Variants in POP4 observed in about 807,000 individuals in gnomAD.
POP4 encodes the protein ribonuclease P protein subunit p29.
Under a neutral mutation model 29.9 loss-of-function variants are expected in POP4, and 31 were observed. That is an observed-to-expected ratio of 1.04 (90% CI 0.78 to 1.40). POP4 has a LOEUF of 1.40. Among genes scored for constraint, POP4 ranks in the 40% most tolerant of loss-of-function variants. The probability of loss-of-function intolerance (pLI) is 0.00; values close to 1 mark genes in which losing one functional copy is unlikely to be tolerated. For missense variants in POP4, 286 were observed against 282.7 expected, an observed-to-expected ratio of 1.01 and a Z score of -0.08; for synonymous variants, 110 against 108.2, an observed-to-expected ratio of 1.02 and a Z score of -0.10.
Position 29,608,262 on chromosome 19 carries a change from CTTTTT to C in POP4, c.8-377_8-373del, listed in dbSNP as rs1164860504. 0.013 allele frequency among the ~76,000 whole-genome samples: 1,107 copies of C among 86,560 alleles called. 37 individuals carry two copies. The East Asian group carries it at 0.17, about 13-fold the overall frequency. The allele number at this position is 86,560 out of a possible 152,430, so 56.8% of individuals were successfully genotyped here. On this transcript the variant is annotated intron_variant, in intron 1 of 6. Coordinates refer to ENST00000585603, the MANE Select transcript of POP4 (RefSeq NM_006627.3). ...TAGTTATTTTCTTTTCTTTTCTTTT[CTTTTT>C]TTTTTTTTTTTTTTTTTGAGACAGA...
At chr19:29,614,068 C>T in intron 6 of POP4, 96 bp downstream of exon 6, 1 of 1,503,510 alleles carries the variant, frequency 6.7e-7, no homozygotes, top group South Asian at 1.4e-5. Context: ...GATTTGACCC[C>T]TCAAGTCAGC....
chr19:29,615,390 C>A lies in POP4; in HGVS notation c.*10C>A. 6.2e-7 allele frequency: 1 copy of A among 1,610,376 alleles called. No individual in the cohort carries two copies. On this transcript the variant is annotated 3_prime_UTR_variant, in exon 7 of 7. Transcript: ENST00000585603. Reference sequence around the variant, plus strand: ...AACGATTGACCTGTGAATTCTTTGCCGTCTAAGGCAGTTGTTTATGACAGC... The same window carrying A: ...AACGATTGACCTGTGAATTCTTTGCAGTCTAAGGCAGTTGTTTATGACAGC...
chr19:29,614,940 A>C (rs1315519553), intron 6 of POP4, among the ~76,000 whole-genome samples: 1 of 152,208 alleles, frequency 6.6e-6, no homozygotes, highest in Non-Finnish European at 1.5e-5. Flanking sequence ...AGCCCATCTG[A>C]AAGTTAATGT....
At chr19:29,613,716 GC>G in intron 5 of POP4, 154 bp from the exon 6 acceptor site, 1 of 1,135,592 alleles carries the variant, frequency 8.8e-7, no homozygotes, top group Non-Finnish European at 1.2e-6. Flanking sequence ...TTACATCAGG[GC>G]CCAGCTGTTG....
intron 5 of POP4, 119 bp from the exon 6 acceptor site, chr19:29,613,752 T>G: frequency 6.8e-7 from 1 of 1,460,706 alleles, no homozygotes; most frequent in African/African-American, 1.4e-5. Context: ...GGGTGCTCTG[T>G]TCTTTCATCT....
In POP4 at chr19:29,612,895, G is replaced by A. The variant is rs754019988; in HGVS notation, c.424+717G>A. On this transcript the variant is annotated intron_variant, in intron 5 of 6. Coordinates refer to ENST00000585603, the MANE Select transcript of POP4 (RefSeq NM_006627.3). ...ACCAGGCAGCCAGAGTGCCGGTTAC[G>A]TAGAAATCAGAGCACGTTCCTTCCC... 9.2e-5 allele frequency among the ~76,000 whole-genome samples: 14 copies of A among 152,336 alleles called. No homozygotes were observed. In the South Asian group the frequency reaches 2.3e-3, roughly 25 times the overall value.
At chr19:29,606,353 G>C in intron 1 of POP4, 28 bp downstream of exon 1, 1 of 1,603,346 alleles carries the variant, frequency 6.2e-7, no homozygotes, top group Non-Finnish European at 8.5e-7. Flanking sequence ...GTTGGAGAGG[G>C]TTGGGGACGT....
rs949024659 is a variant in POP4 at position 29,610,411 on chromosome 19, T to C, written c.63T>C (p.Pro21=). ...QKEANDSDVQ[P]SGAQRAEAFV... is the part of the protein sequence containing the mutation. ...CGCACCCCCTTGTCCGCCTGCAGCC[T>C]TCAGGAGCACAGCGGGCCGAGGCCT... is the stretch of plus-strand genomic sequence containing the variant. The change falls in exon 3 of 7, where the codon CCT becomes CCC. Residue 21 remains proline, a splice_region_variant and synonymous_variant. Transcript: ENST00000585603. The C allele has an allele frequency of 6.4e-7, 1 of 1,557,664 alleles. No homozygotes were observed. Among genetic ancestry groups the C allele is most frequent in the African/African-American group, 1.4e-5 (1 of 73,748 alleles).
chr19:29,615,293 T>C lies in POP4; in HGVS notation c.576T>C (p.Ile192=), dbSNP rs746557477. ...CVFTVETDGF[I]SYIYGSKFQL... is the part of the protein sequence containing the mutation. The stretch of plus-strand genomic sequence containing the variant: ...TCACTGTGGAAACCGATGGCTTTAT[T>C]TCCTACATTTACGGGAGCAAATTCC... Residue 192 remains isoleucine (I), a synonymous_variant, in exon 7 of 7, where the codon ATT becomes ATC. Coordinates refer to ENST00000585603, the MANE Select transcript of POP4 (RefSeq NM_006627.3). 1 of 1,613,888 alleles carries C rather than the reference T, an allele frequency of 6.2e-7. No individual in the cohort carries two copies. The highest frequency in any genetic ancestry group is 8.5e-7 in the Non-Finnish European group (1 of 1,179,906).
rs888425400 is a variant in POP4 at position 29,616,915 on chromosome 19, C to CT, written c.*1537dup. 6.7e-6 allele frequency: 1 copy of CT among 150,010 alleles called. No homozygotes were observed. Among genetic ancestry groups the CT allele is most frequent in the Admixed American group, 6.8e-5 (1 of 14,786 alleles). 9.3% of individuals were successfully genotyped at this position (150,010 alleles called of 1,614,324 possible). On this transcript the variant is annotated 3_prime_UTR_variant, in exon 7 of 7. Transcript: ENST00000585603. Reference sequence around the variant, plus strand: ...CAGGAAGACAGACTTCGAGGGACCTCTTGCCTAAGGCCTCGCTGACTCAAG... The same window carrying CT: ...CAGGAAGACAGACTTCGAGGGACCTCTTTGCCTAAGGCCTCGCTGACTCAAG...
rs139863846 is a variant in POP4 at position 29,611,437 on chromosome 19, G to A, written c.285-425G>A. 4.3e-3 allele frequency: 836 copies of A among 194,172 alleles called. 7 individuals carry two copies. The highest frequency in any genetic ancestry group is 0.019 in the African/African-American group (780 of 41,986). The allele number at this position is 194,172 out of a possible 1,614,324, so 12.0% of individuals were successfully genotyped here. ...GTTGGGGTCCTTGCCCCTGCTCCCC[G>A]CTTCTTCTCCCCACCACTTGCTTGC... On this transcript the variant is annotated intron_variant, in intron 3 of 6. Transcript: ENST00000585603.
At position 29,610,614 on chromosome 19, in the gene POP4, T is replaced by C; in HGVS notation, c.266T>C (p.Ile89Thr). Residue 89 changes from isoleucine (I) to threonine (T), a missense_variant, in exon 3 of 7, where the codon ATT (isoleucine) becomes ACT (threonine). By Grantham distance (89) the Ile-to-Thr change is moderately conservative. Transcript: ENST00000585603. ...AGGAGGGAGCTGCGGCTCTTTGACA[T>C]TAAACCAGAGCAGCAGAGGTAACCC... ...RQRRELRLFD[I>T]KPEQQRYSLF... 1 of 1,613,930 alleles carries C rather than the reference T, an allele frequency of 6.2e-7. No homozygotes were observed. Among genetic ancestry groups the C allele is most frequent in the Non-Finnish European group, 8.5e-7 (1 of 1,179,984 alleles).
At chr19:29,608,820 C>A in intron 2 of POP4, 111 bp downstream of exon 2, 2 of 1,035,568 alleles carry the variant, frequency 1.9e-6, no homozygotes, top group African/African-American at 1.6e-5. Context: ...TCATACTCCT[C>A]ATTTTTCTGG....
chr19:29,610,818 A>G (rs1971059737), intron 3 of POP4, 186 bp downstream of exon 3: 1 of 618,000 alleles, frequency 1.6e-6, no homozygotes, highest in Admixed American at 3.0e-5. Context: ...GTGAGACAGG[A>G]CTCATTGTCT....
At chr19:29,609,054 C>G (rs1971036154) in intron 2 of POP4, 1 of 208,478 alleles carries the variant, frequency 4.8e-6, no homozygotes, top group South Asian at 1.1e-4. Context: ...TGTGCAATCA[C>G]ATATCATAAG....
chr19:29,606,299 G>C lies in POP4; in HGVS notation c.-20G>C. ...GCAGCTGCCAGTGCGTCATCAGAGA[G>C]CGCCGGAAGCGGTCCGAGAATGAAG... On this transcript the variant is annotated 5_prime_UTR_variant, in exon 1 of 7. Transcript: ENST00000585603. 1.2e-6 allele frequency: 2 copies of C among 1,603,084 alleles called. No homozygotes were observed. The highest frequency in any genetic ancestry group is 1.7e-6 in the Non-Finnish European group (2 of 1,175,326).
rs1971098455 is a variant in POP4, at chr19:29,613,740, CT to C, written c.425-130del. 6 of 1,400,472 alleles carry C rather than the reference CT, an allele frequency of 4.3e-6. No homozygotes were observed. In the African/African-American group the frequency reaches 8.7e-5, roughly 20 times the overall value. The allele number at this position is 1,400,472 out of a possible 1,614,324, so 86.8% of individuals were successfully genotyped here. A position where few individuals can be genotyped will look rare whatever the true frequency, so the allele number is the denominator to read the frequency against. On this transcript the variant is annotated intron_variant, in intron 5 of 6. Transcript: ENST00000585603. Reference sequence around the variant, plus strand: ...GGCCCAGCTGTTGAGCCCCCACCCCCTGGGTGCTCTGTTCTTTCATCTGCTA... The same window carrying C: ...GGCCCAGCTGTTGAGCCCCCACCCCCGGGTGCTCTGTTCTTTCATCTGCTA...
Position 29,610,431 on chromosome 19 carries a change from A to G in POP4, c.83A>G (p.Glu28Gly), listed in dbSNP as rs758794017. The G allele has an allele frequency of 3.2e-6, 5 of 1,574,826 alleles. No homozygotes were observed. Among genetic ancestry groups the G allele is most frequent in the Non-Finnish European group, 3.4e-6 (4 of 1,160,504 alleles). ...CAGCCTTCAGGAGCACAGCGGGCCG[A>G]GGCCTTCGTGAGGGCCTTCCTGAAG... is the stretch of plus-strand genomic sequence containing the variant. ...DVQPSGAQRA[E>G]AFVRAFLKRS... The change falls in exon 3 of 7, where the codon GAG becomes GGG. Residue 28 changes from glutamate to glycine, a missense_variant. Physicochemically the swap from Glu to Gly is moderately conservative, Grantham distance 98. Transcript: ENST00000585603.
In POP4 at chr19:29,615,889, A is replaced by T. The variant is rs1971126027; in HGVS notation, c.*509A>T. The T allele has an allele frequency of 6.5e-6, 1 of 152,920 alleles. No individual in the cohort carries two copies. The highest frequency in any genetic ancestry group is 2.4e-5 in the African/African-American group (1 of 41,446). 9.5% of individuals were successfully genotyped at this position (152,920 alleles called of 1,614,324 possible). A position where few individuals can be genotyped will look rare whatever the true frequency, so the allele number is the denominator to read the frequency against. On this transcript the variant is annotated 3_prime_UTR_variant, in exon 7 of 7. Coordinates refer to ENST00000585603, the MANE Select transcript of POP4 (RefSeq NM_006627.3). ...AGGCTCGCCTTTGGGTGGAACTCTGACCCACCTAAGGTTTACTTTGCTATT... is the reference window on the plus strand; with the variant it reads ...AGGCTCGCCTTTGGGTGGAACTCTGTCCCACCTAAGGTTTACTTTGCTATT...
Sources: gnomAD v4.1 joint callset for allele counts (sites outside exome capture counted in the v4.1 genomes callset) on GRCh38, gnomAD v4.1.1 for gene constraint, MANE v1.5 for transcripts, NCBI Gene and HGNC (gene_info 2026-07-23, HGNC 2026-07-21) for gene names.